The following AMPH variants were observed in gnomAD, a reference collection of about 807,000 sequenced individuals.
The protein encoded by AMPH is amphiphysin.
AMPH carries 49 observed loss-of-function variants against 99.1 expected under a neutral mutation model. That is an observed-to-expected ratio of 0.49 (90% confidence interval 0.39 to 0.63). The LOEUF is 0.63. Among genes scored for constraint, AMPH ranks in the 20% least tolerant of loss-of-function variants. The pLI is 0.00. For synonymous variants in AMPH, 314 were observed against 317.3 expected, an observed-to-expected ratio of 0.99 and a Z score of 0.11; for missense variants, 759 against 863.4, an observed-to-expected ratio of 0.88 and a Z score of 1.52.
intron 3 of AMPH, among the ~76,000 whole-genome samples, chr7:38,494,905 C>T (rs1336603107): frequency 6.6e-6 from 1 of 152,070 alleles, no homozygotes; most frequent in African/African-American, 2.4e-5. Context: ...AAAATTAGTC[C>T]TAAATGAATT....
In AMPH at chr7:38,434,597, G is replaced by A. The variant is rs147441488; in HGVS notation, c.1134+1675C>T. On this transcript the variant is annotated intron_variant, in intron 12 of 20. Coordinates refer to ENST00000356264, the MANE Select transcript of AMPH (RefSeq NM_001635.4). The stretch of plus-strand genomic sequence containing the variant: ...TACTAAAAATACAAAAAATTAGCCA[G>A]TCGTGGTGGCAGGCGCCTGTAGTCC... Among the ~76,000 whole-genome samples, 740 of 152,228 alleles carry A rather than the reference G, an allele frequency of 4.9e-3. 8 individuals carry two copies. Among genetic ancestry groups the A allele is most frequent in the African/African-American group, 0.017 (709 of 41,544 alleles).
At chr7:38,399,945 A>G (rs1242377058) in intron 17 of AMPH, among the ~76,000 whole-genome samples, 3 of 152,224 alleles carry the variant, frequency 2.0e-5, no homozygotes, top group African/African-American at 7.2e-5. Context: ...GAGGTCTATG[A>G]GGTGCAGAAA....
At chr7:38,538,892 A>G (rs776983485) in intron 1 of AMPH, among the ~76,000 whole-genome samples, 4 of 152,166 alleles carry the variant, frequency 2.6e-5, no homozygotes, top group Non-Finnish European at 5.9e-5. Context: ...ATCCAGGTAG[A>G]GATATGGTAA....
At chr7:38,605,717 A>T (rs1040640080) in intron 1 of AMPH, among the ~76,000 whole-genome samples, 2 of 152,052 alleles carry the variant, frequency 1.3e-5, no homozygotes, top group African/African-American at 4.8e-5. Flanking sequence ...CTGGGATTAC[A>T]GGTGCCCACC....
intron 20 of AMPH, among the ~76,000 whole-genome samples, chr7:38,387,417 T>A (rs1003457572): frequency 2.6e-5 from 4 of 152,054 alleles, no homozygotes; most frequent in Non-Finnish European, 5.9e-5. Flanking sequence ...AAGTGGGAAA[T>A]CTCAGCCAAG....
chr7:38,422,875 C>G lies in AMPH; in HGVS notation c.1216-398G>C, dbSNP rs1219238322. Among the ~76,000 whole-genome samples the G allele has an allele frequency of 2.0e-5, 3 of 152,220 alleles. No homozygotes were observed. The East Asian group carries it at 5.8e-4, about 29-fold the overall frequency. ...GCTCAAGCAAACTGCCGAGCTTGGC[C>G]TCCCAGAGTGCTAGGATTACAGGTG... On this transcript the variant is annotated intron_variant, in intron 15 of 20. Coordinates refer to ENST00000356264, the MANE Select transcript of AMPH (RefSeq NM_001635.4).
At chr7:38,499,372 A>G (rs1418047471) in intron 3 of AMPH, among the ~76,000 whole-genome samples, 2 of 152,190 alleles carry the variant, frequency 1.3e-5, no homozygotes, top group African/African-American at 4.8e-5. Context: ...CAGAAATCAT[A>G]AAGACCCATA....
chr7:38,508,696 A>G (rs1789425590), intron 2 of AMPH, among the ~76,000 whole-genome samples: 1 of 152,206 alleles, frequency 6.6e-6, no homozygotes, highest in Non-Finnish European at 1.5e-5. Flanking sequence ...TCCCAGAGTT[A>G]CATTATTATT....
intron 1 of AMPH, among the ~76,000 whole-genome samples, chr7:38,602,781 C>T (rs1793294526): frequency 6.6e-6 from 1 of 152,170 alleles, no homozygotes; most frequent in African/African-American, 2.4e-5. Context: ...ACGTGACACC[C>T]TGAAATGATG....
At chr7:38,422,161 T>C (rs781247275) in intron 16 of AMPH, among the ~76,000 whole-genome samples, 1 of 152,246 alleles carries the variant, frequency 6.6e-6, no homozygotes, top group Non-Finnish European at 1.5e-5. Flanking sequence ...ATGTCTTTAA[T>C]GGATTCACTG....
At chr7:38,502,718 T>C (rs1789184742) in intron 3 of AMPH, among the ~76,000 whole-genome samples, 1 of 152,154 alleles carries the variant, frequency 6.6e-6, no homozygotes, top group Admixed American at 6.5e-5. Context: ...GTATGTAAGT[T>C]TCCCACTAAT....
intron 2 of AMPH, among the ~76,000 whole-genome samples, chr7:38,522,642 C>T (rs1322862679): frequency 2.0e-5 from 3 of 152,174 alleles, no homozygotes; most frequent in Admixed American, 2.0e-4. Flanking sequence ...CAGCCTACAG[C>T]TAGAGAGCTA....
chr7:38,405,348 T>A (rs1178169549), intron 17 of AMPH, among the ~76,000 whole-genome samples: 2 of 152,036 alleles, frequency 1.3e-5, no homozygotes, highest in Admixed American at 6.6e-5. Context: ...GAACAAAACC[T>A]CACATGTCAA....
chr7:38,455,224 C>A (rs1267619527), intron 11 of AMPH, among the ~76,000 whole-genome samples: 1 of 152,108 alleles, frequency 6.6e-6, no homozygotes, highest in East Asian at 1.9e-4. Flanking sequence ...GCATGCACCA[C>A]CATGCCCGGC....
intron 11 of AMPH, among the ~76,000 whole-genome samples, chr7:38,437,681 G>A (rs1008619465): frequency 2.6e-5 from 4 of 150,956 alleles, no homozygotes; most frequent in South Asian, 2.1e-4. Flanking sequence ...GTGCATGACC[G>A]TAGTCCCAGC....
intron 1 of AMPH, among the ~76,000 whole-genome samples, chr7:38,535,664 A>G (rs2129040779): frequency 6.6e-6 from 1 of 152,290 alleles, no homozygotes; most frequent in African/African-American, 2.4e-5. Flanking sequence ...TCTTGCAACT[A>G]AATGGTCCTA....
chr7:38,586,428 A>G (rs1282641310), intron 1 of AMPH, among the ~76,000 whole-genome samples: 2 of 152,250 alleles, frequency 1.3e-5, no homozygotes, highest in Non-Finnish European at 2.9e-5. Flanking sequence ...TACCAATCAC[A>G]GAATATATCA....
At chr7:38,525,111 C>T (rs1790113034) in intron 2 of AMPH, among the ~76,000 whole-genome samples, 1 of 151,174 alleles carries the variant, frequency 6.6e-6, no homozygotes, top group Admixed American at 6.6e-5. Context: ...ATTATGGAAT[C>T]ATTTGCAGTT....
intron 3 of AMPH, among the ~76,000 whole-genome samples, chr7:38,496,284 T>C (rs942908575): frequency 6.6e-6 from 1 of 152,208 alleles, no homozygotes; most frequent in African/African-American, 2.4e-5. Context: ...ATGACAGAAG[T>C]ACATCCTTGA....
Sources: allele counts gnomAD v4.1 joint callset (sites outside exome capture counted in the v4.1 genomes callset), GRCh38; gene constraint gnomAD v4.1.1; transcripts MANE v1.5; gene names NCBI Gene and HGNC (gene_info 2026-07-23, HGNC 2026-07-21).